KLHL17: variants seen among roughly 807,000 people sequenced by gnomAD.
The protein encoded by KLHL17 is kelch like family member 17.
Under a neutral mutation model 64.6 loss-of-function variants are expected in KLHL17, and 71 were observed. The observed-to-expected ratio is 1.10, with a 90% CI of 0.91 to 1.34. The LOEUF (loss-of-function observed/expected upper bound fraction) is 1.34. Ranked by LOEUF, KLHL17 falls within the 40% of genes most tolerant of loss-of-function variation. The probability of loss-of-function intolerance (pLI) is 0.00; values close to 1 mark genes in which losing one functional copy is unlikely to be tolerated. For synonymous variants in KLHL17, 612 were observed against 405.4 expected (o/e 1.51, Z -6.12); for missense variants, 1,140 against 935.0 (o/e 1.22, Z -2.86).
Position 961,741 on chromosome 1 carries a change from C to T in KLHL17, c.480C>T (p.Gly160=), listed in dbSNP as rs1320293008. 1.9e-6 allele frequency: 3 copies of T among 1,611,956 alleles called. No homozygotes were observed. Among genetic ancestry groups the T allele is most frequent in the Non-Finnish European group, 2.5e-6 (3 of 1,179,474 alleles). ...AYTAEIVVGE[G]NVQTLLPAAS... ...CGGCTGAGATTGTGGTGGGCGAGGG[C>T]AATGTGCAGGTGAGGGCTCCCTCAC... Residue 160 remains glycine (G), a synonymous_variant, in exon 3 of 12, where the codon GGC becomes GGT. Coordinates refer to ENST00000338591, the MANE Select transcript of KLHL17 (RefSeq NM_198317.3).
Position 965,303 on chromosome 1 carries a change from CTTTA to C in KLHL17, c.*117_*120del. 1.2e-6 allele frequency: 1 copy of C among 812,914 alleles called. No homozygotes were observed. Among genetic ancestry groups the C allele is most frequent in the Non-Finnish European group, 1.9e-6 (1 of 522,024 alleles). 50.4% of individuals were successfully genotyped at this position (812,914 alleles called of 1,614,324 possible). ...CGTCTCTGCATCCATTCCTTCATGTCTTTATTTAGTTGTTTATTTATTTAGTTAT... is the reference window on the plus strand; with the variant it reads ...CGTCTCTGCATCCATTCCTTCATGTCTTTAGTTGTTTATTTATTTAGTTAT... On this transcript the variant is annotated 3_prime_UTR_variant, in exon 12 of 12. Coordinates refer to ENST00000338591, the MANE Select transcript of KLHL17 (RefSeq NM_198317.3).
intron 1 of KLHL17, among the ~76,000 whole-genome samples, chr1:961,077 G>C (rs1332697255): frequency 1.3e-5 from 2 of 151,184 alleles, no homozygotes; most frequent in Non-Finnish European, 3.0e-5. Flanking sequence ...GGCTCTGTTC[G>C]CGGCTCTGAC....
In KLHL17 at chr1:960,735, C is replaced by G; in HGVS notation, c.42C>G (p.Ser14Arg). 1.5e-6 allele frequency: 2 copies of G among 1,313,532 alleles called. No homozygotes were observed. Among genetic ancestry groups the G allele is most frequent in the Non-Finnish European group, 2.0e-6 (2 of 1,024,052 alleles). 81.4% of individuals were successfully genotyped at this position (1,313,532 alleles called of 1,614,324 possible). A position where few individuals can be genotyped will look rare whatever the true frequency, so the allele number is the denominator to read the frequency against. The change falls in exon 1 of 12, where the codon AGC becomes AGG. Residue 14 changes from serine to arginine, a missense_variant. Coordinates refer to ENST00000338591, the MANE Select transcript of KLHL17 (RefSeq NM_198317.3). ...RSERPAGRTQ[S>R]PEHGSPGPGP... ...AGCGCCCGGCCGGCAGGACGCAGAG[C>G]CCGGAGCACGGCAGCCCGGGGCCCG...
chr1:962,952 G>A (rs1348444023), intron 6 of KLHL17, 35 bp downstream of exon 6: 24 of 1,525,044 alleles, frequency 1.6e-5, no homozygotes, highest in Non-Finnish European at 2.1e-5. Flanking sequence ...CTTGCCCTGT[G>A]CCTTCTACTC....
rs1642638899 is a variant in KLHL17, at chr1:961,391, A to G, written c.206A>G (p.His69Arg). Reference protein sequence around the residue: ...LLSREGHSVAHNSKRHYHDAF... With the variant: ...LLSREGHSVARNSKRHYHDAF... ...AGCCGCGAGGGCCACAGCGTGGCCC[A>G]CAACTCCAAGCGGCACTACCACGAT... The change falls in exon 2 of 12, where the codon CAC becomes CGC. Residue 69 changes from histidine (H) to arginine (R), a missense_variant. Physicochemically the swap from His to Arg is conservative, Grantham distance 29. Transcript: ENST00000338591. 2 of 1,608,270 alleles carry G rather than the reference A, an allele frequency of 1.2e-6. No individual in the cohort carries two copies. Among genetic ancestry groups the G allele is most frequent in the Non-Finnish European group, 8.5e-7 (1 of 1,178,528 alleles).
chr1:962,882 G>A lies in KLHL17; in HGVS notation c.1007G>A (p.Arg336His), dbSNP rs148661653. The A allele has an allele frequency of 1.3e-4, 207 of 1,574,860 alleles. No homozygotes were observed. The highest frequency in any genetic ancestry group is 1.7e-4 in the Middle Eastern group (1 of 5,928). The stretch of plus-strand genomic sequence containing the variant: ...GGCACCAGCCGCACACGTCCCCGGC[G>A]CTGCGAGGGGGCCGGGCCTGTGCTT... ...VLGTSRTRPR[R>H]CEGAGPVLFA... The change falls in exon 6 of 12, where the codon CGC (arginine) becomes CAC (histidine). Residue 336 changes from arginine (R) to histidine (H), a missense_variant. Coordinates refer to ENST00000338591, the MANE Select transcript of KLHL17 (RefSeq NM_198317.3).
At chr1:962,115 G>T (rs778289416) in intron 4 of KLHL17, 68 bp downstream of exon 4, 4 of 1,048,820 alleles carry the variant, frequency 3.8e-6, no homozygotes, top group South Asian at 1.6e-5. Flanking sequence ...TTTGACTCCC[G>T]ACCCCGTTTT....
intron 8 of KLHL17, 21 bp from the exon 9 acceptor site, chr1:963,899 C>T (rs1186982739): frequency 2.5e-6 from 4 of 1,610,828 alleles, no homozygotes; most frequent in Admixed American, 1.7e-5. Flanking sequence ...TGAGCTGTGG[C>T]TGCGGTCCTG....
rs564884548 is a variant in KLHL17, at chr1:963,333, C to T, written c.1188-4C>T. On this transcript the variant is annotated splice_polypyrimidine_tract_variant and splice_region_variant and intron_variant, in intron 7 of 11. Transcript: ENST00000338591. The stretch of plus-strand genomic sequence containing the variant: ...CTTGACCTGCAGTGGCTTAATTCCG[C>T]TAGCTATGATGGGACCTCAGACCTG... The T allele has an allele frequency of 3.2e-5, 52 of 1,606,714 alleles. 1 individual carries two copies. Among genetic ancestry groups the T allele is most frequent in the South Asian group, 6.6e-5 (6 of 90,784 alleles).
In KLHL17 at chr1:961,967, A is replaced by T; in HGVS notation, c.631A>T (p.Lys211Ter). 10 of 1,612,890 alleles carry T rather than the reference A, an allele frequency of 6.2e-6. No individual in the cohort carries two copies. The highest frequency in any genetic ancestry group is 7.6e-6 in the Non-Finnish European group (9 of 1,180,002). Residue 211 changes from lysine to a stop codon, truncating the protein, a stop_gained, in exon 4 of 12, where the codon AAG (lysine) becomes TAG (stop). Transcript: ENST00000338591. LOFTEE classifies it high-confidence loss of function. ...TGCGCACTCCTGCAGCGACCTGCTC[A>T]AGGCCGCCCACAGGTACGTGCTGCA... ...ADAHSCSDLL[K>*]AAHRYVLQHF... is the part of the protein sequence containing the mutation.
In KLHL17 at chr1:961,518, C is replaced by G. The variant is rs745735689; in HGVS notation, c.333C>G (p.Ala111=). 6 of 1,612,488 alleles carry G rather than the reference C, an allele frequency of 3.7e-6. No homozygotes were observed. The highest frequency in any genetic ancestry group is 4.2e-6 in the Non-Finnish European group (5 of 1,179,972). ...KEIRAHKVVL[A]SCSPYFHAMF... is the part of the protein sequence containing the mutation. ...TCCGTGCGCACAAAGTGGTGCTGGCCTCCTGCAGCCCCTACTTCCACGCCA... is the reference window on the plus strand; with the variant it reads ...TCCGTGCGCACAAAGTGGTGCTGGCGTCCTGCAGCCCCTACTTCCACGCCA... Residue 111 remains alanine, a synonymous_variant, in exon 2 of 12, where the codon GCC becomes GCG. Coordinates refer to ENST00000338591, the MANE Select transcript of KLHL17 (RefSeq NM_198317.3).
intron 8 of KLHL17, 97 bp downstream of exon 8, chr1:963,601 A>G (rs1642758538): frequency 7.2e-7 from 1 of 1,388,858 alleles, no homozygotes; most frequent in Non-Finnish European, 9.7e-7. Flanking sequence ...GGGGTGTTAA[A>G]GGAGGTGATC....
rs558979028 is a variant in KLHL17, at chr1:963,541, C to T, written c.1355+37C>T. Reference sequence around the variant, plus strand: ...TGGGGCCCCAGTGGCTTTGTACAGTCCATCTGCAAGAGGCAAGTTTGTGTC... The same window carrying T: ...TGGGGCCCCAGTGGCTTTGTACAGTTCATCTGCAAGAGGCAAGTTTGTGTC... On this transcript the variant is annotated intron_variant, in intron 8 of 11. Coordinates refer to ENST00000338591, the MANE Select transcript of KLHL17 (RefSeq NM_198317.3). The T allele has an allele frequency of 1.3e-4, 197 of 1,564,950 alleles. 1 individual carries two copies. In the East Asian group the frequency reaches 2.0e-3, roughly 16 times the overall value.
chr1:964,830 A>C (rs888447309), intron 11 of KLHL17, 133 bp from the exon 12 acceptor site: 3 of 752,748 alleles, frequency 4.0e-6, no homozygotes, highest in Non-Finnish European at 6.5e-6. Context: ...GCGGGTCCGC[A>C]GTGGGGATGT....
At chr1:960,925 C>G (rs1187412522) in intron 1 of KLHL17, 125 bp downstream of exon 1, 1 of 718,636 alleles carries the variant, frequency 1.4e-6, no homozygotes, top group East Asian at 1.3e-4. Flanking sequence ...GACTCAGGTG[C>G]GGAGCGGGGT....
chr1:962,181 C>T, intron 4 of KLHL17, 134 bp downstream of exon 4: 20 of 1,291,290 alleles, frequency 1.5e-5, no homozygotes, highest in Non-Finnish European at 2.2e-5. Flanking sequence ...TCCCCGAGAC[C>T]TTTCTGGATC....
intron 5 of KLHL17, 55 bp downstream of exon 5, chr1:962,526 T>G (rs886273513): frequency 6.3e-7 from 1 of 1,597,704 alleles, no homozygotes; most frequent in African/African-American, 1.3e-5. Flanking sequence ...TGCAGGTGGC[T>G]GAGGGCCTGG....
In KLHL17 at chr1:961,973, G is replaced by T; in HGVS notation, c.637G>T (p.Ala213Ser). The T allele has an allele frequency of 6.2e-7, 1 of 1,612,912 alleles. No homozygotes were observed. The highest frequency in any genetic ancestry group is 8.5e-7 in the Non-Finnish European group (1 of 1,180,000). Residue 213 changes from alanine to serine, a missense_variant, in exon 4 of 12, where the codon GCC becomes TCC. Physicochemically the swap from Ala to Ser is moderately conservative, Grantham distance 99 (BLOSUM62 1). Transcript: ENST00000338591. ...CTCCTGCAGCGACCTGCTCAAGGCC[G>T]CCCACAGGTACGTGCTGCAGCACTT... is the stretch of plus-strand genomic sequence containing the variant. ...AHSCSDLLKA[A>S]HRYVLQHFVD... is the part of the protein sequence containing the mutation.
At chr1:962,230 G>C (rs752702375) in intron 4 of KLHL17, 125 bp from the exon 5 acceptor site, 62 of 1,494,488 alleles carry the variant, frequency 4.1e-5, no homozygotes, top group Non-Finnish European at 5.3e-5. Flanking sequence ...TCCTGACTCT[G>C]CTCGGCCCCT....
Sources: allele counts gnomAD v4.1 joint callset (sites outside exome capture counted in the v4.1 genomes callset), GRCh38; gene constraint gnomAD v4.1.1; transcripts MANE v1.5; gene names NCBI Gene and HGNC (gene_info 2026-07-23, HGNC 2026-07-21).